Variants in EHF observed in about 807,000 individuals in gnomAD.
EHF encodes ESE3 transcription factor.
A neutral mutation model predicts 45.1 loss-of-function variants in EHF; 14 were observed. The observed-to-expected ratio is 0.31, with a 90% confidence interval of 0.21 to 0.49. The LOEUF (loss-of-function observed/expected upper bound fraction) is 0.49, where lower values mean the gene tolerates loss of function less well. EHF is among the 20% of genes least tolerant of loss of function. EHF has a pLI of 0.99. For missense variants in EHF, 282 were observed against 371.4 expected (o/e 0.76, Z 1.98); for synonymous variants, 136 against 131.8 (o/e 1.03, Z -0.22).
At chr11:34,651,912 A>C in intron 6 of EHF, 107 bp downstream of exon 6, 1 of 1,125,510 alleles carries the variant, frequency 8.9e-7, no homozygotes, top group Non-Finnish European at 1.3e-6. Context: ...TTCTAATTAA[A>C]GGGCTAGGAA....
At position 34,660,592 on chromosome 11, in the gene EHF, G is replaced by A. The variant is rs537907759; in HGVS notation, c.*1661G>A. 1 of 152,202 alleles carries A rather than the reference G, an allele frequency of 6.6e-6. No homozygotes were observed. The highest frequency in any genetic ancestry group is 2.4e-5 in the African/African-American group (1 of 41,466). 9.4% of individuals were successfully genotyped at this position (152,202 alleles called of 1,614,324 possible). On this transcript the variant is annotated 3_prime_UTR_variant, in exon 9 of 9. Coordinates refer to ENST00000257831, the MANE Select transcript of EHF (RefSeq NM_012153.6). ...TCCTGGAGACTTACCATTGAGCCAT[G>A]CAATCTGGGAAGCACAGGAATAAGT... is the stretch of plus-strand genomic sequence containing the variant.
chr11:34,652,894 G>A (rs1056100911), intron 6 of EHF, among the ~76,000 whole-genome samples: 18 of 152,174 alleles, frequency 1.2e-4, no homozygotes, highest in African/African-American at 3.9e-4. Flanking sequence ...CATAGCTCTC[G>A]ACTTCTCCTT....
intron 1 of EHF, among the ~76,000 whole-genome samples, chr11:34,639,167 G>A (rs542507586): frequency 1.1e-4 from 16 of 152,274 alleles, no homozygotes; most frequent in African/African-American, 3.9e-4. Flanking sequence ...GCTGAAAGAT[G>A]GGACCTAGAG....
At chr11:34,633,640 A>G (rs553073514) in intron 1 of EHF, among the ~76,000 whole-genome samples, 10 of 152,336 alleles carry the variant, frequency 6.6e-5, no homozygotes, top group African/African-American at 2.4e-4. Flanking sequence ...GAAAACAAGC[A>G]AAACCAGGAG....
In EHF at chr11:34,651,575, A is replaced by T. The variant is rs748912254; in HGVS notation, c.440A>T (p.Asn147Ile). The T allele has an allele frequency of 1.2e-6, 2 of 1,613,916 alleles. No homozygotes were observed. The highest frequency in any genetic ancestry group is 1.1e-5 in the South Asian group (1 of 91,088). The part of the protein sequence containing the change: ...PSIMNTWKDE[N>I]YLYDTNYGST... ...ATCATGAACACCTGGAAAGACGAGAACTATTTATATGACACCAACTATGGT... is the reference window on the plus strand; with the variant it reads ...ATCATGAACACCTGGAAAGACGAGATCTATTTATATGACACCAACTATGGT... Residue 147 changes from asparagine to isoleucine, a missense_variant, in exon 5 of 9, where the codon AAC becomes ATC. Transcript: ENST00000257831.
At chr11:34,655,971 T>G (rs943881959) in intron 6 of EHF, among the ~76,000 whole-genome samples, 6 of 152,128 alleles carry the variant, frequency 3.9e-5, no homozygotes, top group African/African-American at 1.4e-4. Flanking sequence ...ATAATTGGCT[T>G]GTATTTAGGG....
chr11:34,635,701 CTTT>C (rs11381442), intron 1 of EHF, among the ~76,000 whole-genome samples: 7 of 124,126 alleles, frequency 5.6e-5, no homozygotes, highest in Non-Finnish European at 6.5e-5. Flanking sequence ...TCTTCCTGGT[CTTT>C]TTTTTTTTTT....
intron 4 of EHF, among the ~76,000 whole-genome samples, chr11:34,650,558 C>T (rs373904202): frequency 2.0e-5 from 3 of 152,284 alleles, no homozygotes; most frequent in African/African-American, 4.8e-5. Flanking sequence ...GCTTACACCC[C>T]GGCCCTAAAA....
chr11:34,646,894 A>T (rs1224692232), intron 3 of EHF: 2 of 597,978 alleles, frequency 3.3e-6, no homozygotes, highest in Non-Finnish European at 5.7e-6. Flanking sequence ...TATAAATGCC[A>T]GTGTAATTTA....
intron 7 of EHF, among the ~76,000 whole-genome samples, chr11:34,657,607 G>A (rs1855786026): frequency 8.3e-6 from 1 of 120,984 alleles, no homozygotes; most frequent in Non-Finnish European, 1.7e-5. Context: ...TGGGAAACAT[G>A]ACGAGACCCC....
At chr11:34,632,687 G>A (rs1376934036) in intron 1 of EHF, 12 of 1,532,990 alleles carry the variant, frequency 7.8e-6, no homozygotes, top group African/African-American at 1.4e-5. Flanking sequence ...AGGGTTGCCC[G>A]GCTCTCTCTG....
At chr11:34,656,455 C>A (rs1376815434) in intron 6 of EHF, among the ~76,000 whole-genome samples, 1 of 152,040 alleles carries the variant, frequency 6.6e-6, no homozygotes, top group Non-Finnish European at 1.5e-5. Context: ...CCATCTTTCT[C>A]AGAGTCATGT....
At chr11:34,631,630 T>G (rs1852897599) in intron 1 of EHF, 1 of 934,874 alleles carries the variant, frequency 1.1e-6, no homozygotes, top group Admixed American at 6.2e-5. Context: ...GATTTTGAGG[T>G]AGGTGTGGCT....
At chr11:34,623,046 TA>T (rs1409867996) in intron 1 of EHF, among the ~76,000 whole-genome samples, 2 of 152,166 alleles carry the variant, frequency 1.3e-5, no homozygotes, top group African/African-American at 2.4e-5. Context: ...TTGTATTTGT[TA>T]TTTTTTTGGT....
intron 4 of EHF, 133 bp downstream of exon 4, chr11:34,649,214 C>A: frequency 1.2e-6 from 1 of 826,880 alleles, no homozygotes. Flanking sequence ...CTGGCTGTCT[C>A]TGATGGGCCA....
intron 6 of EHF, among the ~76,000 whole-genome samples, chr11:34,653,064 C>T (rs1338138037): frequency 6.6e-6 from 1 of 152,294 alleles, no homozygotes; most frequent in African/African-American, 2.4e-5. Context: ...CAGTCAAGAC[C>T]ATGGGGTTCA....
Position 34,646,663 on chromosome 11 carries a change from T to C in EHF, c.322T>C (p.Leu108=), listed in dbSNP as rs774998262. 8 of 1,612,038 alleles carry C rather than the reference T, an allele frequency of 5.0e-6. No individual in the cohort carries two copies. The highest frequency in any genetic ancestry group is 6.8e-6 in the Non-Finnish European group (8 of 1,179,988). The part of the protein sequence containing the change: ...GTAGQLLYSN[L]QHLKWNGQCS... ...GGCGGGGCAGCTCCTCTACAGCAAC[T>C]TGCAGCATCTGAAGTGGAACGGTGA... The change falls in exon 3 of 9, where the codon TTG becomes CTG. Residue 108 remains leucine (L), a synonymous_variant. Coordinates refer to ENST00000257831, the MANE Select transcript of EHF (RefSeq NM_012153.6).
chr11:34,646,781 A>G (rs1168744884), intron 3 of EHF, 97 bp downstream of exon 3: 1 of 1,493,042 alleles, frequency 6.7e-7, no homozygotes, highest in Non-Finnish European at 9.1e-7. Flanking sequence ...AGGGACAAGA[A>G]AGAGTGGTCT....
intron 1 of EHF, chr11:34,624,112 C>A (rs948208996): frequency 5.5e-6 from 1 of 182,142 alleles, no homozygotes; most frequent in Non-Finnish European, 1.0e-5. Context: ...ACCTGATTTT[C>A]AGGGATACCA....
Sources: gnomAD v4.1 joint callset for allele counts (sites outside exome capture counted in the v4.1 genomes callset) on GRCh38, gnomAD v4.1.1 for gene constraint, MANE v1.5 for transcripts, NCBI Gene and HGNC (gene_info 2026-07-23, HGNC 2026-07-21) for gene names.